The following ARSB variants were observed in gnomAD, a reference collection of about 807,000 sequenced individuals.
ARSB encodes arylsulfatase B, also known as N-acetylgalactosamine-4-sulfatase.
ARSB carries 41 observed loss-of-function variants against 50.9 expected under a neutral mutation model. The ratio of observed to expected loss-of-function variants is 0.81; its 90% CI spans 0.63 to 1.04. The LOEUF is 1.04. ARSB is among the 50% of genes least tolerant of loss of function. The pLI, the probability that ARSB is intolerant of heterozygous loss-of-function variation, is 0.00. For missense variants in ARSB, 672 were observed against 693.3 expected, an observed-to-expected ratio of 0.97 and a Z score of 0.35; for synonymous variants, 269 against 284.8, an observed-to-expected ratio of 0.94 and a Z score of 0.56.
At chr5:78,985,833 AT>A (rs1753164116), upstream of ARSB, 3 of 152,324 alleles carry the variant, frequency 2.0e-5, no homozygotes, top group African/African-American at 7.2e-5. Flanking sequence ...TTTCACATTC[AT>A]TTATGCGTAG....
intron 2 of ARSB, among the ~76,000 whole-genome samples, chr5:78,965,920 A>T (rs1752186804): frequency 6.6e-6 from 1 of 152,238 alleles, no homozygotes; most frequent in African/African-American, 2.4e-5. Context: ...TCTCCTATGT[A>T]TATAATGGAA....
intron 5 of ARSB, among the ~76,000 whole-genome samples, chr5:78,863,292 A>G (rs960254210): frequency 6.6e-6 from 1 of 152,192 alleles, no homozygotes; most frequent in Non-Finnish European, 1.5e-5. Context: ...ATGCTACTAT[A>G]AAGACACATG....
intron 6 of ARSB, among the ~76,000 whole-genome samples, chr5:78,824,154 G>A (rs1256100980): frequency 6.6e-6 from 1 of 152,202 alleles, no homozygotes; most frequent in Non-Finnish European, 1.5e-5. Flanking sequence ...CATAAGCTGA[G>A]CAGATGCTGG....
intron 4 of ARSB, among the ~76,000 whole-genome samples, chr5:78,946,125 C>T (rs1751218141): frequency 6.6e-6 from 1 of 152,184 alleles, no homozygotes; most frequent in African/African-American, 2.4e-5. Flanking sequence ...CGAGGCTAGA[C>T]TCTACATATA....
chr5:78,902,435 C>G (rs1449448169), intron 4 of ARSB, among the ~76,000 whole-genome samples: 1 of 152,134 alleles, frequency 6.6e-6, no homozygotes, highest in Non-Finnish European at 1.5e-5. Context: ...TATGTCCACA[C>G]AAAAATTGGT....
At chr5:78,885,433 C>T (rs1747972103) in intron 5 of ARSB, 151 bp downstream of exon 5, 2 of 1,083,984 alleles carry the variant, frequency 1.8e-6, no homozygotes, top group Non-Finnish European at 2.6e-6. Flanking sequence ...TATATACTTA[C>T]AATGTCTCTA....
rs1399607303 is a variant in ARSB, at chr5:78,931,974, G to GT, written c.898+23320dup. ...GCTTGCTTTCCCTTCCGCCGTGATT[G>GT]TAAGTTTCCTGAGGCCTCCCCAGCC... On this transcript the variant is annotated intron_variant, in intron 4 of 7. Coordinates refer to ENST00000264914, the MANE Select transcript of ARSB (RefSeq NM_000046.5). 3.3e-5 allele frequency among the ~76,000 whole-genome samples: 5 copies of GT among 152,218 alleles called. No homozygotes were observed. In the East Asian group the frequency reaches 9.7e-4, roughly 29 times the overall value.
chr5:78,918,468 GC>G (rs1445154809), intron 4 of ARSB, among the ~76,000 whole-genome samples: 21 of 152,036 alleles, frequency 1.4e-4, no homozygotes, highest in African/African-American at 4.8e-4. Flanking sequence ...GTTTCCATAT[GC>G]CCCAAGCCCA....
chr5:78,900,370 T>TTAA (rs1939138391), intron 4 of ARSB, among the ~76,000 whole-genome samples: 2 of 152,152 alleles, frequency 1.3e-5, no homozygotes, highest in Non-Finnish European at 2.9e-5. Flanking sequence ...TTCCCATGAG[T>TTAA]TAAGGCAGGG....
chr5:78,859,654 T>C lies in ARSB; in HGVS notation c.1143-20228A>G, dbSNP rs74690556. Among the ~76,000 whole-genome samples, 1,063 of 152,026 alleles carry C rather than the reference T, an allele frequency of 7.0e-3. 67 individuals are homozygous for C. In the East Asian group the frequency reaches 0.16, roughly 23 times the overall value. On this transcript the variant is annotated intron_variant, in intron 5 of 7. Transcript: ENST00000264914. Reference sequence around the variant, plus strand: ...AATCAAAACATGATCCCAAAGAAAGTAGAAGAAGATGGATTTGCTTTGCCT... The same window carrying C: ...AATCAAAACATGATCCCAAAGAAAGCAGAAGAAGATGGATTTGCTTTGCCT...
chr5:78,905,834 G>C (rs1749035795), intron 4 of ARSB, among the ~76,000 whole-genome samples: 1 of 147,528 alleles, frequency 6.8e-6, no homozygotes, highest in South Asian at 2.1e-4. Flanking sequence ...CAGAAAAACA[G>C]GTTTCTGTTA....
At chr5:78,984,380 A>T (rs547527597) in intron 1 of ARSB, among the ~76,000 whole-genome samples, 1 of 152,220 alleles carries the variant, frequency 6.6e-6, no homozygotes, top group Non-Finnish European at 1.5e-5. Context: ...ACAAGGTTAC[A>T]TGTGAAAGGA....
chr5:78,858,794 C>G (rs1746281105), intron 5 of ARSB, among the ~76,000 whole-genome samples: 1 of 152,194 alleles, frequency 6.6e-6, no homozygotes, highest in South Asian at 2.1e-4. Context: ...CACCATCATC[C>G]TTGTTATCAT....
At chr5:78,935,746 G>A (rs1321195102) in intron 4 of ARSB, among the ~76,000 whole-genome samples, 1 of 152,084 alleles carries the variant, frequency 6.6e-6, no homozygotes, top group Non-Finnish European at 1.5e-5. Context: ...AGTACTATCG[G>A]GTAGTTATAA....
intron 4 of ARSB, among the ~76,000 whole-genome samples, chr5:78,948,623 G>A (rs1017719928): frequency 5.3e-5 from 8 of 152,016 alleles, no homozygotes; most frequent in Admixed American, 3.9e-4. Context: ...AACTTTTCTC[G>A]TCAGCTTTTT....
chr5:78,917,313 G>T (rs527327567), intron 4 of ARSB, among the ~76,000 whole-genome samples: 1 of 152,130 alleles, frequency 6.6e-6, no homozygotes, highest in Non-Finnish European at 1.5e-5. Flanking sequence ...AAGCACAAAG[G>T]AACGTCAACT....
intron 4 of ARSB, among the ~76,000 whole-genome samples, chr5:78,941,656 T>A (rs1168397827): frequency 2.0e-5 from 3 of 152,258 alleles, no homozygotes; most frequent in Non-Finnish European, 4.4e-5. Flanking sequence ...TGGATAAGCT[T>A]TTTGATGTGC....
At chr5:78,900,563 C>T (rs1162219785) in intron 4 of ARSB, among the ~76,000 whole-genome samples, 1 of 152,120 alleles carries the variant, frequency 6.6e-6, no homozygotes, top group East Asian at 1.9e-4. Flanking sequence ...AAGGTTTTTC[C>T]ACTTCTCTGT....
At chr5:78,848,639 C>A (rs1487546846) in intron 5 of ARSB, among the ~76,000 whole-genome samples, 1 of 151,920 alleles carries the variant, frequency 6.6e-6, no homozygotes, top group East Asian at 1.9e-4. Context: ...CCTGAGGAAT[C>A]ATCACACTGA....
Sources: allele counts gnomAD v4.1 joint callset (sites outside exome capture counted in the v4.1 genomes callset), GRCh38; gene constraint gnomAD v4.1.1; transcripts MANE v1.5; gene names NCBI Gene and HGNC (gene_info 2026-07-23, HGNC 2026-07-21).